Variants in FARP1 observed in about 807,000 individuals in gnomAD.
FARP1 encodes the protein FERM, ARHGEF and pleckstrin domain-containing protein 1.
FARP1 carries 52 observed loss-of-function variants against 128.8 expected under a neutral mutation model. The ratio of observed to expected loss-of-function variants is 0.40; its 90% CI spans 0.32 to 0.51. The LOEUF (loss-of-function observed/expected upper bound fraction) is 0.51. Ranked by LOEUF, FARP1 falls within the 20% of genes least tolerant of loss-of-function variation. The pLI is 0.45. For synonymous variants in FARP1, 580 were observed against 551.8 expected (o/e 1.05, Z -0.72); for missense variants, 1,333 against 1,367.9 (o/e 0.97, Z 0.40).
At chr13:98,291,812 CTT>C (rs537400878) in intron 2 of FARP1, among the ~76,000 whole-genome samples, 316 of 152,350 alleles carry the variant, frequency 2.1e-3, no homozygotes, top group African/African-American at 7.2e-3. Flanking sequence ...CCAACTCTCT[CTT>C]GGTCATTCAA....
At chr13:98,208,506 CT>C (rs1218737946) in intron 1 of FARP1, 1 of 150,124 alleles carries the variant, frequency 6.7e-6, no homozygotes. Context: ...GTTCTCAGAT[CT>C]TCACTCCATA....
intron 1 of FARP1, among the ~76,000 whole-genome samples, chr13:98,172,241 T>C (rs1877704708): frequency 6.6e-6 from 1 of 151,524 alleles, no homozygotes; most frequent in Non-Finnish European, 1.5e-5. Flanking sequence ...TCATTTCTGC[T>C]GCTCAGGGAT....
chr13:98,389,512 G>A (rs866046090), intron 9 of FARP1: 9 of 152,104 alleles, frequency 5.9e-5, no homozygotes, highest in South Asian at 2.1e-4. Flanking sequence ...GCCCGGAGCC[G>A]TGGGCGACTT....
intron 3 of FARP1, among the ~76,000 whole-genome samples, chr13:98,350,642 A>G (rs755804047): frequency 6.6e-6 from 1 of 152,104 alleles, no homozygotes; most frequent in African/African-American, 2.4e-5. Context: ...GTGCTCCTCC[A>G]GTTCCTCCCT....
At chr13:98,441,121 C>T (rs912034390) in intron 24 of FARP1, among the ~76,000 whole-genome samples, 3 of 152,216 alleles carry the variant, frequency 2.0e-5, no homozygotes, top group African/African-American at 2.4e-5. Flanking sequence ...TCTCTTTCTT[C>T]GCCTGTTTTC....
intron 8 of FARP1, 37 bp from the exon 9 acceptor site, chr13:98,388,346 G>A (rs923940283): frequency 6.7e-7 from 1 of 1,501,044 alleles, no homozygotes; most frequent in Non-Finnish European, 9.3e-7. Flanking sequence ...TGCTTGTTAT[G>A]CATTTCCTGG....
chr13:98,329,100 C>T (rs914563382), intron 2 of FARP1: 2 of 152,214 alleles, frequency 1.3e-5, no homozygotes, highest in Non-Finnish European at 2.9e-5. Context: ...AGAAACGCTG[C>T]GCTGCCTATC....
In FARP1 at chr13:98,191,225, TA is replaced by T. The variant is rs1482021131; in HGVS notation, c.-23-21993del. ...CAACCTGTAGAACCCTTGACCGTAC[TA>T]ACCTTTGAGAACACTGCCTGTGTTC... On this transcript the variant is annotated intron_variant, in intron 1 of 26. Coordinates refer to ENST00000319562, the MANE Select transcript of FARP1 (RefSeq NM_005766.4). 3.9e-5 allele frequency among the ~76,000 whole-genome samples: 6 copies of T among 152,326 alleles called. No individual in the cohort carries two copies. The East Asian group carries it at 1.2e-3, about 29-fold the overall frequency.
At position 98,445,459 on chromosome 13, in the gene FARP1, T is replaced by TGGGCCGGCCCTG. The variant is rs1350572791; in HGVS notation, c.2797-638_2797-627dup. On this transcript the variant is annotated intron_variant, in intron 24 of 26. Coordinates refer to ENST00000319562, the MANE Select transcript of FARP1 (RefSeq NM_005766.4). Reference sequence around the variant, plus strand: ...CGCATCCTAACAATGCTCCAGGGGCTGGGCCGGCCCTGAGCCTGGAGGTGG... The same window carrying TGGGCCGGCCCTG: ...CGCATCCTAACAATGCTCCAGGGGCTGGGCCGGCCCTGGGGCCGGCCCTGAGCCTGGAGGTGG... 2.0e-5 allele frequency: 3 copies of TGGGCCGGCCCTG among 152,312 alleles called. No homozygotes were observed. In the East Asian group the frequency reaches 5.8e-4, roughly 29 times the overall value. The allele number at this position is 152,312 out of a possible 1,614,324, so 9.4% of individuals were successfully genotyped here. A position where few individuals can be genotyped will look rare whatever the true frequency, so the allele number is the denominator to read the frequency against.
At chr13:98,157,589 A>G (rs1876580648) in intron 1 of FARP1, among the ~76,000 whole-genome samples, 1 of 152,150 alleles carries the variant, frequency 6.6e-6, no homozygotes, top group Non-Finnish European at 1.5e-5. Context: ...CATTTACTGA[A>G]CATTTGAAGT....
intron 2 of FARP1, among the ~76,000 whole-genome samples, chr13:98,259,882 A>AGTGTGTGTGTGTGTGTGTGTGTGT (rs60886784): frequency 6.4e-4 from 83 of 128,860 alleles, no homozygotes; most frequent in Non-Finnish European, 1.0e-3. Flanking sequence ...ATACCTGAAA[A>AGTGTGTGTGTGTGTGTGTGTGTGT]GTGTGTGTGT....
At chr13:98,205,298 C>CTT (rs1048233627) in intron 1 of FARP1, among the ~76,000 whole-genome samples, 1 of 151,268 alleles carries the variant, frequency 6.6e-6, no homozygotes, top group African/African-American at 2.4e-5. Flanking sequence ...ATGCCTTAAG[C>CTT]TTTTTTTTTC....
chr13:98,241,747 C>T (rs1341716728), intron 2 of FARP1, among the ~76,000 whole-genome samples: 1 of 152,074 alleles, frequency 6.6e-6, no homozygotes, highest in Non-Finnish European at 1.5e-5. Flanking sequence ...GGTGAAACCC[C>T]ATCTCTACTA....
chr13:98,431,265 T>G lies in FARP1; in HGVS notation c.2128T>G (p.Phe710Val). Reference protein sequence around the residue: ...CKHHPPSHADFRDCRAALAEI... With the variant: ...CKHHPPSHADVRDCRAALAEI... ...ACACCACCCGCCGAGCCACGCCGACTTCAGGGACTGCCGAGGTGAGTGCTG... is the reference window on the plus strand; with the variant it reads ...ACACCACCCGCCGAGCCACGCCGACGTCAGGGACTGCCGAGGTGAGTGCTG... Residue 710 changes from phenylalanine to valine, a missense_variant, in exon 18 of 27, where the codon TTC (phenylalanine) becomes GTC (valine). This residue lies in a region of FARP1 where 1,009 missense variants were observed against 969.8 expected (regional missense o/e 1.04). Transcript: ENST00000319562. 6.3e-7 allele frequency: 1 copy of G among 1,590,018 alleles called. No individual in the cohort carries two copies. The highest frequency in any genetic ancestry group is 8.6e-7 in the Non-Finnish European group (1 of 1,168,960).
intron 1 of FARP1, among the ~76,000 whole-genome samples, chr13:98,146,074 G>GA (rs542969848): frequency 2.6e-4 from 40 of 152,040 alleles, no homozygotes; most frequent in Admixed American, 6.5e-4. Context: ...ATAAACATCA[G>GA]AAAAAAACAA....
At chr13:98,371,863 G>GA (rs1217034549) in intron 5 of FARP1, among the ~76,000 whole-genome samples, 1 of 152,128 alleles carries the variant, frequency 6.6e-6, no homozygotes, top group Non-Finnish European at 1.5e-5. Flanking sequence ...GGGCCTCCAG[G>GA]AATAGCTCTT....
At position 98,379,154 on chromosome 13, in the gene FARP1, A is replaced by ATATATATAATATATAATC. The variant is rs1566935191; in HGVS notation, c.496+1252_496+1269dup. ...ATATAATATATAATCTATATATAATATATATATAATATATAATCTATATAT... is the reference window on the plus strand; with the variant it reads ...ATATAATATATAATCTATATATAATATATATATAATATATAATCTATATATAATATATAATCTATATAT... On this transcript the variant is annotated intron_variant, in intron 6 of 26. Transcript: ENST00000319562. 9.0e-5 allele frequency among the ~76,000 whole-genome samples: 6 copies of ATATATATAATATATAATC among 67,028 alleles called. 2 individuals carry two copies. In the African/African-American group the frequency reaches 1.3e-3, roughly 14 times the overall value. 44.0% of individuals were successfully genotyped at this position (67,028 alleles called of 152,430 possible).
chr13:98,275,628 CTTTTTTTT>C (rs201108793), intron 2 of FARP1, among the ~76,000 whole-genome samples: 1 of 67,086 alleles, frequency 1.5e-5, no homozygotes. Flanking sequence ...CTCTTTCTCT[CTTTTTTTT>C]TTTTTTTTTT....
intron 10 of FARP1, 142 bp from the exon 11 acceptor site, chr13:98,390,670 C>A: frequency 3.2e-6 from 2 of 627,248 alleles, no homozygotes; most frequent in Non-Finnish European, 5.7e-6. Flanking sequence ...GTCAGGATTG[C>A]TTTTAGTCCT....
Sources: allele counts gnomAD v4.1 joint callset (sites outside exome capture counted in the v4.1 genomes callset), GRCh38; gene constraint gnomAD v4.1.1; regional missense constraint gnomAD v4.1.1; transcripts MANE v1.5; gene names NCBI Gene and HGNC (gene_info 2026-07-23, HGNC 2026-07-21).